Variants in WDR26 observed in about 807,000 individuals in gnomAD.
The protein encoded by WDR26 is WD repeat-containing protein 26.
In WDR26, 5 loss-of-function variants were observed where a neutral mutation model predicts 84.1. The ratio of observed to expected loss-of-function variants is 0.06; its 90% CI spans 0.03 to 0.13. The LOEUF (loss-of-function observed/expected upper bound fraction) is 0.13, where lower values mean the gene tolerates loss of function less well. Among genes scored for constraint, WDR26 ranks in the 10% least tolerant of loss-of-function variants. The pLI, the probability that WDR26 is intolerant of heterozygous loss-of-function variation, is 1.00. For synonymous variants in WDR26, 415 were observed against 389.6 expected (o/e 1.07, Z -0.77); for missense variants, 642 against 974.9 (o/e 0.66, Z 4.55).
intron 7 of WDR26, among the ~76,000 whole-genome samples, chr1:224,410,052 G>A (rs549621292): frequency 1.5e-4 from 23 of 151,914 alleles, no homozygotes; most frequent in Non-Finnish European, 2.5e-4. Context: ...AGGCCGAGGA[G>A]GGCAGATCAC....
At chr1:224,418,495 C>T in intron 5 of WDR26, 79 bp from the exon 6 acceptor site, 1 of 1,368,236 alleles carries the variant, frequency 7.3e-7, no homozygotes, top group Non-Finnish European at 9.8e-7. Flanking sequence ...TCATCTTCTG[C>T]TGTACTTGTT....
At chr1:224,391,346 A>G (rs12048758) in intron 13 of WDR26, among the ~76,000 whole-genome samples, 97,231 of 140,322 alleles carry the variant, frequency 0.69, 36,040 homozygotes, top group East Asian at 0.99. Flanking sequence ...CTGGGCAACA[A>G]GAGCAAAACT....
chr1:224,395,630 C>T (rs1673239353), intron 12 of WDR26, among the ~76,000 whole-genome samples: 1 of 145,850 alleles, frequency 6.9e-6, no homozygotes, highest in African/African-American at 2.5e-5. Context: ...AAAGTAAAGA[C>T]AGGTTAGCTG....
chr1:224,425,404 T>C (rs1435450953), intron 3 of WDR26, among the ~76,000 whole-genome samples: 1 of 152,232 alleles, frequency 6.6e-6, no homozygotes, highest in African/African-American at 2.4e-5. Flanking sequence ...TGATCACTGA[T>C]GCATTTAAAA....
chr1:224,411,699 T>TA (rs1673742530), intron 6 of WDR26, 134 bp from the exon 7 acceptor site: 2 of 1,007,352 alleles, frequency 2.0e-6, no homozygotes, highest in East Asian at 5.4e-5. Flanking sequence ...AATGCATTTG[T>TA]AAATCTTTTT....
In WDR26 at chr1:224,387,195, T is replaced by C. The variant is rs777014678; in HGVS notation, c.*2640A>G. On this transcript the variant is annotated 3_prime_UTR_variant, in exon 14 of 14. Coordinates refer to ENST00000414423, the MANE Select transcript of WDR26 (RefSeq NM_001379403.1). ...TGTTAGTATCTTGTGGCTGGCTTCA[T>C]AGTATAAGACTCACTCTTAAGCCTA... 4 of 152,634 alleles carry C rather than the reference T, an allele frequency of 2.6e-5. No individual in the cohort carries two copies. Among genetic ancestry groups the C allele is most frequent in the Admixed American group, 1.3e-4 (2 of 15,272 alleles). The allele number at this position is 152,634 out of a possible 1,614,324, so 9.5% of individuals were successfully genotyped here.
Position 224,431,538 on chromosome 1 carries a change from G to A in WDR26, c.866C>T (p.Pro289Leu), listed in dbSNP as rs957895720. The A allele has an allele frequency of 1.9e-6, 3 of 1,614,030 alleles. No individual in the cohort carries two copies. The highest frequency in any genetic ancestry group is 1.7e-5 in the Admixed American group (1 of 60,018). The change falls in exon 3 of 14, where the codon CCT (proline) becomes CTT (leucine). Residue 289 changes from proline to leucine, a missense_variant. Physicochemically the swap from Pro to Leu is moderately conservative, Grantham distance 98. Around this residue, in one of 2 missense-constraint regions of WDR26, gnomAD observed 351 missense variants for 672.8 expected, o/e 0.52. Transcript: ENST00000414423. ...TGCGCCTCTTACCACAATAGCATGAGGAGAATGCACTAAAGGCTTTAGTTC... is the reference window on the plus strand; with the variant it reads ...TGCGCCTCTTACCACAATAGCATGAAGAGAATGCACTAAAGGCTTTAGTTC...
chr1:224,404,758 C>T (rs1673508141), intron 7 of WDR26, among the ~76,000 whole-genome samples, 188 bp from the exon 8 acceptor site: 1 of 152,184 alleles, frequency 6.6e-6, no homozygotes. Context: ...TAAGCATCTA[C>T]TACACTATTA....
At chr1:224,398,755 T>C (rs974035476) in intron 10 of WDR26, 134 bp downstream of exon 10, 1 of 1,260,654 alleles carries the variant, frequency 7.9e-7, no homozygotes, top group Admixed American at 2.3e-5. Flanking sequence ...GATTACTAAG[T>C]ACCATGTGAC....
At chr1:224,397,681 G>C (rs1191605046) in intron 12 of WDR26, 3 of 157,612 alleles carry the variant, frequency 1.9e-5, no homozygotes, top group Non-Finnish European at 4.2e-5. Context: ...AGTTCAGGTA[G>C]AGCATCATAA....
chr1:224,399,631 T>C (rs757121088), intron 9 of WDR26, among the ~76,000 whole-genome samples: 9 of 152,214 alleles, frequency 5.9e-5, no homozygotes, highest in Non-Finnish European at 1.2e-4. Context: ...TAACACAGTA[T>C]AGGACAGCAA....
At chr1:224,428,848 G>GT (rs1489679046) in intron 3 of WDR26, among the ~76,000 whole-genome samples, 3 of 150,944 alleles carry the variant, frequency 2.0e-5, no homozygotes, top group Admixed American at 1.3e-4. Flanking sequence ...AGAGGTCGCA[G>GT]TGAGCCAAGA....
At chr1:224,419,806 T>C (rs1240899402) in intron 4 of WDR26, among the ~76,000 whole-genome samples, 191 bp from the exon 5 acceptor site, 1 of 152,084 alleles carries the variant, frequency 6.6e-6, no homozygotes, top group African/African-American at 2.4e-5. Flanking sequence ...ACAATACCTA[T>C]ATATATATTA....
intron 8 of WDR26, among the ~76,000 whole-genome samples, chr1:224,402,314 A>T (rs929022366): frequency 6.6e-6 from 1 of 152,188 alleles, no homozygotes; most frequent in Non-Finnish European, 1.5e-5. Flanking sequence ...TGACTGATAT[A>T]AACAGTTGAA....
chr1:224,400,461 GGA>G (rs1314351966), intron 9 of WDR26, among the ~76,000 whole-genome samples: 35 of 7,824 alleles, frequency 4.5e-3, no homozygotes, highest in Admixed American at 4.6e-3. Context: ...TTAAAAGAAA[GGA>G]AAAAAATGAC....
intron 4 of WDR26, among the ~76,000 whole-genome samples, chr1:224,423,852 T>TGAA (rs1210973109): frequency 2.0e-5 from 3 of 152,206 alleles, no homozygotes; most frequent in East Asian, 3.8e-4. Context: ...TGTGAAGGCA[T>TGAA]GGTATAGAAT....
rs1372078408 is a variant in WDR26 at position 224,387,013 on chromosome 1, AATTTT to A, written c.*2817_*2821del. ...AATTATTTGGAGGAAAAAGACATTT[AATTTT>A]ATATTTGCTCTAGCCCTTAATCAAT... is the stretch of plus-strand genomic sequence containing the variant. On this transcript the variant is annotated 3_prime_UTR_variant, in exon 14 of 14. Transcript: ENST00000414423. 6.6e-6 allele frequency: 1 copy of A among 152,640 alleles called. No individual in the cohort carries two copies. Among genetic ancestry groups the A allele is most frequent in the African/African-American group, 2.4e-5 (1 of 41,466 alleles). The allele number at this position is 152,640 out of a possible 1,614,324, so 9.5% of individuals were successfully genotyped here. A position where few individuals can be genotyped will look rare whatever the true frequency, so the allele number is the denominator to read the frequency against.
chr1:224,411,373 T>G, intron 7 of WDR26, 54 bp downstream of exon 7: 1 of 1,527,482 alleles, frequency 6.5e-7, no homozygotes, highest in Non-Finnish European at 8.8e-7. Context: ...ATCAATGAAT[T>G]AGATTCAAAA....
chr1:224,423,446 T>C (rs1416165644), intron 4 of WDR26, among the ~76,000 whole-genome samples: 1 of 152,186 alleles, frequency 6.6e-6, no homozygotes, highest in Non-Finnish European at 1.5e-5. Context: ...AAGGGGTGAA[T>C]CCAGAATTTT....
Sources: gnomAD v4.1 joint callset for allele counts (sites outside exome capture counted in the v4.1 genomes callset) on GRCh38, gnomAD v4.1.1 for gene constraint, gnomAD v4.1.1 regional missense constraint, MANE v1.5 for transcripts, NCBI Gene and HGNC (gene_info 2026-07-23, HGNC 2026-07-21) for gene names.